PTPRD: variants seen among roughly 807,000 people sequenced by gnomAD.
PTPRD encodes protein tyrosine phosphatase receptor type D, also known as receptor-type tyrosine-protein phosphatase delta.
In PTPRD, 34 loss-of-function variants were observed where a neutral mutation model predicts 214.5. That is an observed-to-expected ratio of 0.16 (90% CI 0.12 to 0.21). The LOEUF is 0.21. PTPRD is among the 10% of genes least tolerant of loss of function. The pLI is 1.00. For missense variants in PTPRD, 2,545 were observed against 2,398.7 expected (o/e 1.06, Z -1.27); for synonymous variants, 1,128 against 845.7 (o/e 1.33, Z -5.79).
intron 5 of PTPRD, among the ~76,000 whole-genome samples, chr9:9,905,892 G>A (rs1228770911): frequency 6.6e-6 from 1 of 151,964 alleles, no homozygotes; most frequent in African/African-American, 2.4e-5. Context: ...GCCTTGACTG[G>A]AGAAGCATGT....
intron 3 of PTPRD, among the ~76,000 whole-genome samples, chr9:10,074,191 C>G (rs550280068): frequency 1.3e-5 from 2 of 152,224 alleles, no homozygotes; most frequent in South Asian, 4.1e-4. Context: ...CAATATTTGG[C>G]TCCTCTCATT....
intron 11 of PTPRD, among the ~76,000 whole-genome samples, chr9:9,007,960 G>C (rs146014677): frequency 2.2e-4 from 7 of 32,236 alleles, no homozygotes; most frequent in African/African-American, 4.9e-4. Flanking sequence ...TTTAGGGTAC[G>C]TGTGCACAAT....
intron 5 of PTPRD, among the ~76,000 whole-genome samples, chr9:9,889,285 G>A (rs550302155): frequency 6.6e-6 from 1 of 152,130 alleles, no homozygotes; most frequent in Non-Finnish European, 1.5e-5. Flanking sequence ...CACAAAAATG[G>A]TAACTCTGTG....
intron 4 of PTPRD, among the ~76,000 whole-genome samples, chr9:10,001,499 A>C (rs1223522647): frequency 6.6e-6 from 1 of 152,198 alleles, no homozygotes; most frequent in Non-Finnish European, 1.5e-5. Flanking sequence ...TAATCTTAAA[A>C]GCAGAAAGAT....
At chr9:10,519,262 A>C (rs1589950833) in intron 2 of PTPRD, among the ~76,000 whole-genome samples, 1 of 144,796 alleles carries the variant, frequency 6.9e-6, no homozygotes, top group African/African-American at 2.7e-5. Flanking sequence ...CTCCACAAAA[A>C]AAAAAAAAAA....
At chr9:10,184,513 C>T (rs751113300) in intron 3 of PTPRD, among the ~76,000 whole-genome samples, 1 of 152,126 alleles carries the variant, frequency 6.6e-6, no homozygotes, top group Non-Finnish European at 1.5e-5. Flanking sequence ...GTACATGGAT[C>T]TGTGAATCCC....
At chr9:10,385,067 T>C (rs2154486421) in intron 2 of PTPRD, among the ~76,000 whole-genome samples, 1 of 151,974 alleles carries the variant, frequency 6.6e-6, no homozygotes, top group East Asian at 1.9e-4. Context: ...CGGGTTATTT[T>C]TCAATTTGGA....
At chr9:8,568,418 A>G (rs1485759576) in intron 14 of PTPRD, among the ~76,000 whole-genome samples, 1 of 152,124 alleles carries the variant, frequency 6.6e-6, no homozygotes, top group Non-Finnish European at 1.5e-5. Context: ...ATCTCCCTGG[A>G]ACCTTTCATT....
At chr9:9,511,608 A>G (rs149965258) in intron 8 of PTPRD, among the ~76,000 whole-genome samples, 198 of 151,946 alleles carry the variant, frequency 1.3e-3, no homozygotes, top group African/African-American at 4.6e-3. Flanking sequence ...AGCAACATCA[A>G]CATCATATCT....
intron 10 of PTPRD, among the ~76,000 whole-genome samples, chr9:9,097,852 T>C (rs2099785905): frequency 6.6e-6 from 1 of 152,064 alleles, no homozygotes; most frequent in Non-Finnish European, 1.5e-5. Flanking sequence ...AAGATAGAGA[T>C]GGTGTTTTCC....
chr9:9,552,764 G>A (rs1359736525), intron 8 of PTPRD, among the ~76,000 whole-genome samples: 2 of 152,008 alleles, frequency 1.3e-5, no homozygotes, highest in African/African-American at 4.8e-5. Context: ...ATTGTGACAT[G>A]GCTGCTTTTC....
chr9:10,607,556 A>C (rs1002527737), intron 2 of PTPRD, among the ~76,000 whole-genome samples: 57 of 151,918 alleles, frequency 3.8e-4, no homozygotes, highest in African/African-American at 1.4e-3. Context: ...CAATTTAAAA[A>C]AATAAGTATA....
At chr9:9,283,127 CA>C (rs200057684) in intron 9 of PTPRD, among the ~76,000 whole-genome samples, 8,881 of 151,436 alleles carry the variant, frequency 0.059, 318 homozygotes, top group Middle Eastern at 0.13. Context: ...TTCTTTGCTT[CA>C]TTTCCTTTTT....
At chr9:9,660,103 G>T (rs2096593845) in intron 7 of PTPRD, among the ~76,000 whole-genome samples, 1 of 151,818 alleles carries the variant, frequency 6.6e-6, no homozygotes, top group Non-Finnish European at 1.5e-5. Flanking sequence ...AAAGCTATTG[G>T]CCTAATTTTT....
At chr9:8,632,388 T>C (rs747097171) in intron 14 of PTPRD, among the ~76,000 whole-genome samples, 16 of 151,988 alleles carry the variant, frequency 1.1e-4, no homozygotes, top group Non-Finnish European at 1.8e-4. Context: ...TCTACATAAG[T>C]TCCTCTATGA....
At chr9:9,726,700 A>G (rs1363172813) in intron 7 of PTPRD, among the ~76,000 whole-genome samples, 2 of 152,190 alleles carry the variant, frequency 1.3e-5, no homozygotes, top group South Asian at 2.1e-4. Context: ...ATATGTCTCA[A>G]CATGTTTGTG....
At chr9:8,953,888 C>A (rs1390261370) in intron 11 of PTPRD, among the ~76,000 whole-genome samples, 2 of 151,900 alleles carry the variant, frequency 1.3e-5, no homozygotes, top group Non-Finnish European at 2.9e-5. Context: ...GACACTTATA[C>A]ACTGGTGGGA....
chr9:10,325,789 A>C (rs962662146), intron 3 of PTPRD, among the ~76,000 whole-genome samples: 1 of 151,904 alleles, frequency 6.6e-6, no homozygotes, highest in African/African-American at 2.4e-5. Flanking sequence ...ATAATGACTA[A>C]AGGAAGAATT....
chr9:8,892,691 A>ATATATATGTGTATATATATATGAGTG (rs1566866899), intron 11 of PTPRD, among the ~76,000 whole-genome samples: 1 of 23,794 alleles, frequency 4.2e-5, no homozygotes, highest in Non-Finnish European at 1.1e-4. Flanking sequence ...ATATGAGTGT[A>ATATATATGTGTATATATATATGAGTG]TATATATATA....
Sources: allele counts gnomAD v4.1 joint callset (sites outside exome capture counted in the v4.1 genomes callset), GRCh38; gene constraint gnomAD v4.1.1; transcripts MANE v1.5; gene names NCBI Gene and HGNC (gene_info 2026-07-23, HGNC 2026-07-21).